The following TMEM132C variants were observed in gnomAD, a reference collection of about 807,000 sequenced individuals.
TMEM132C encodes the protein transmembrane protein 132C.
A neutral mutation model predicts 61.4 loss-of-function variants in TMEM132C; 29 were observed. That is an observed-to-expected ratio of 0.47 (90% CI 0.35 to 0.64). The LOEUF (loss-of-function observed/expected upper bound fraction) is 0.64, where lower values mean the gene tolerates loss of function less well. Ranked by LOEUF, TMEM132C falls within the 30% of genes least tolerant of loss-of-function variation. The pLI, the probability that TMEM132C is intolerant of heterozygous loss-of-function variation, is 0.00. For synonymous variants in TMEM132C, 656 were observed against 633.1 expected (o/e 1.04, Z -0.54); for missense variants, 1,408 against 1,476.9 (o/e 0.95, Z 0.76).
chr12:128,641,360 C>T (rs2135599828), intron 4 of TMEM132C, among the ~76,000 whole-genome samples: 1 of 152,298 alleles, frequency 6.6e-6, no homozygotes, highest in East Asian at 1.9e-4. Flanking sequence ...CAAGTCTTAA[C>T]ACCACGTACC....
intron 1 of TMEM132C, among the ~76,000 whole-genome samples, chr12:128,387,986 A>G (rs1185003268): frequency 6.6e-6 from 1 of 152,186 alleles, no homozygotes; most frequent in African/African-American, 2.4e-5. Context: ...CTCTGGTGGC[A>G]GAGCTTAGAA....
chr12:128,566,844 G>T (rs1418051253), intron 3 of TMEM132C, among the ~76,000 whole-genome samples: 2 of 152,128 alleles, frequency 1.3e-5, no homozygotes, highest in Admixed American at 6.5e-5. Context: ...CTATGTCTAG[G>T]TTTCCTCGTC....
At chr12:128,469,123 G>A (rs1404232584) in intron 2 of TMEM132C, among the ~76,000 whole-genome samples, 2 of 152,108 alleles carry the variant, frequency 1.3e-5, no homozygotes, top group African/African-American at 4.8e-5. Context: ...TTCGTGACAT[G>A]AGGAAATGGA....
intron 1 of TMEM132C, among the ~76,000 whole-genome samples, chr12:128,388,531 CT>C (rs1262091357): frequency 1.3e-5 from 2 of 152,358 alleles, no homozygotes; most frequent in African/African-American, 4.8e-5. Flanking sequence ...GTGAGGCCCC[CT>C]GGGCCTAGAG....
chr12:128,463,171 T>C (rs973815529), intron 2 of TMEM132C, among the ~76,000 whole-genome samples: 1 of 152,198 alleles, frequency 6.6e-6, no homozygotes, highest in African/African-American at 2.4e-5. Flanking sequence ...ACTGCAATTA[T>C]ATCACATGGC....
At chr12:128,573,550 A>G (rs1455014545) in intron 3 of TMEM132C, among the ~76,000 whole-genome samples, 4 of 152,114 alleles carry the variant, frequency 2.6e-5, no homozygotes, top group African/African-American at 9.7e-5. Flanking sequence ...ATGTATACAT[A>G]TGTAACAAAC....
intron 2 of TMEM132C, among the ~76,000 whole-genome samples, chr12:128,516,655 T>C (rs181137275): frequency 2.0e-3 from 300 of 152,178 alleles, no homozygotes; most frequent in Non-Finnish European, 2.4e-3. Context: ...CTCACACCTA[T>C]AATCCCTACA....
intron 3 of TMEM132C, among the ~76,000 whole-genome samples, chr12:128,549,871 A>T (rs777525190): frequency 5.9e-5 from 9 of 152,188 alleles, no homozygotes; most frequent in Non-Finnish European, 8.8e-5. Context: ...GAACCGAGAC[A>T]TGATGCATTT....
At chr12:128,523,520 C>T (rs1024598255) in intron 2 of TMEM132C, among the ~76,000 whole-genome samples, 2 of 152,068 alleles carry the variant, frequency 1.3e-5, no homozygotes, top group Non-Finnish European at 2.9e-5. Flanking sequence ...CAGAGCTGGA[C>T]CCAGGAGTTT....
chr12:128,465,544 C>T (rs1192337442), intron 2 of TMEM132C, among the ~76,000 whole-genome samples: 3 of 152,200 alleles, frequency 2.0e-5, no homozygotes, highest in Non-Finnish European at 4.4e-5. Flanking sequence ...TGAGTACACT[C>T]GACATGCCTA....
intron 2 of TMEM132C, among the ~76,000 whole-genome samples, chr12:128,497,471 G>T (rs922377239): frequency 6.6e-6 from 1 of 152,166 alleles, no homozygotes; most frequent in Non-Finnish European, 1.5e-5. Flanking sequence ...AGCTATGGTG[G>T]GCTCCACCAA....
At chr12:128,472,639 G>T (rs962711582) in intron 2 of TMEM132C, among the ~76,000 whole-genome samples, 1 of 152,190 alleles carries the variant, frequency 6.6e-6, no homozygotes, top group African/African-American at 2.4e-5. Flanking sequence ...AATTCCAAGG[G>T]GAGATAATAT....
At chr12:128,374,535 G>C (rs1874127054) in intron 1 of TMEM132C, among the ~76,000 whole-genome samples, 1 of 152,110 alleles carries the variant, frequency 6.6e-6, no homozygotes, top group Non-Finnish European at 1.5e-5. Context: ...GGTGGGTTTG[G>C]CTATTTGGCG....
At position 128,415,376 on chromosome 12, in the gene TMEM132C, G is replaced by T. The variant is rs1334028976; in HGVS notation, c.730G>T (p.Gly244Cys). 10 of 1,553,322 alleles carry T rather than the reference G, an allele frequency of 6.4e-6. No homozygotes were observed. In the Admixed American group the frequency reaches 1.9e-4, roughly 30 times the overall value. Residue 244 changes from glycine (G) to cysteine (C), a missense_variant, in exon 2 of 9, where the codon GGT (glycine) becomes TGT (cysteine). By Grantham distance (159) the Gly-to-Cys change is radical. Coordinates refer to ENST00000435159, the MANE Select transcript of TMEM132C (RefSeq NM_001136103.3). The surrounding 1 kb of genome is among the most constrained non-coding windows in gnomAD (Gnocchi z 5.8). ...AAACGAGCGAGGGGACTGTGCCGGG[G>T]GTGACTTCAGGAAGGGCAACGCCAT... ...PGNERGDCAG[G>C]DFRKGNAIRP...
intron 3 of TMEM132C, among the ~76,000 whole-genome samples, chr12:128,549,236 C>A (rs1479059235): frequency 6.6e-6 from 1 of 152,126 alleles, no homozygotes; most frequent in African/African-American, 2.4e-5. Flanking sequence ...CCTCTCACAG[C>A]AGCTCATTAT....
At chr12:128,334,763 T>A (rs1872752281) in intron 1 of TMEM132C, among the ~76,000 whole-genome samples, 2 of 151,994 alleles carry the variant, frequency 1.3e-5, no homozygotes, top group Admixed American at 6.6e-5. Flanking sequence ...GCCTGGCTAA[T>A]TTTTTTGTAG....
At chr12:128,362,576 T>C (rs1873740559) in intron 1 of TMEM132C, among the ~76,000 whole-genome samples, 1 of 151,300 alleles carries the variant, frequency 6.6e-6, no homozygotes, top group African/African-American at 2.5e-5. Flanking sequence ...GTGTTTCAGA[T>C]TGCAGATTTT....
intron 4 of TMEM132C, among the ~76,000 whole-genome samples, chr12:128,637,750 G>C (rs1397818623): frequency 6.6e-6 from 1 of 152,136 alleles, no homozygotes; most frequent in African/African-American, 2.4e-5. Flanking sequence ...AAGCACTGCA[G>C]ATAAAATGAG....
intron 1 of TMEM132C, among the ~76,000 whole-genome samples, chr12:128,406,469 C>A (rs979320135): frequency 1.3e-5 from 2 of 152,016 alleles, no homozygotes; most frequent in Non-Finnish European, 1.5e-5. Context: ...AAAATTACAG[C>A]TGTGTGAAAA....
Sources: gnomAD v4.1 joint callset for allele counts (sites outside exome capture counted in the v4.1 genomes callset) on GRCh38, gnomAD v4.1.1 for gene constraint, Gnocchi (gnomAD v3.1) non-coding constraint, MANE v1.5 for transcripts, NCBI Gene and HGNC (gene_info 2026-07-23, HGNC 2026-07-21) for gene names.